PNRC2: variants seen among roughly 807,000 people sequenced by gnomAD.
The protein encoded by PNRC2 is proline rich nuclear receptor coactivator 2.
A neutral mutation model predicts 12.2 loss-of-function variants in PNRC2; 2 were observed. The ratio of observed to expected loss-of-function variants is 0.16; its 90% CI spans 0.07 to 0.52. The LOEUF (loss-of-function observed/expected upper bound fraction) is 0.52, where lower values mean the gene tolerates loss of function less well. Among genes scored for constraint, PNRC2 ranks in the 20% least tolerant of loss-of-function variants. The pLI, the probability that PNRC2 is intolerant of heterozygous loss-of-function variation, is 0.95. For synonymous variants in PNRC2, 44 were observed against 53.9 expected (o/e 0.82, Z 0.80); for missense variants, 115 against 158.4 (o/e 0.73, Z 1.47).
chr1:23,961,383 G>T (rs1641274356), intron 2 of PNRC2, 57 bp from the exon 3 acceptor site: 1 of 1,287,570 alleles, frequency 7.8e-7, no homozygotes, highest in South Asian at 1.5e-5. Flanking sequence ...GCTTCTTAAA[G>T]ATTTTGAACT....
At position 23,963,201 on chromosome 1, in the gene PNRC2, C is replaced by T. The variant is rs1641314302; in HGVS notation, c.*1324C>T. 4.2e-5 allele frequency: 7 copies of T among 166,968 alleles called. No individual in the cohort carries two copies. The highest frequency in any genetic ancestry group is 3.3e-4 in the Admixed American group (5 of 15,264). The allele number at this position is 166,968 out of a possible 1,614,324, so 10.3% of individuals were successfully genotyped here. On this transcript the variant is annotated 3_prime_UTR_variant, in exon 3 of 3. Transcript: ENST00000334351. Reference sequence around the variant, plus strand: ...CCAACTTTAAATGCTTAAACATAAGCGAAACCAGTAGCAAGTATGTGGGTC... The same window carrying T: ...CCAACTTTAAATGCTTAAACATAAGTGAAACCAGTAGCAAGTATGTGGGTC...
rs1206393813 is a variant in PNRC2 at position 23,962,327 on chromosome 1, A to C, written c.*450A>C. 2.3e-5 allele frequency: 4 copies of C among 170,278 alleles called. No homozygotes were observed. The highest frequency in any genetic ancestry group is 9.7e-5 in the African/African-American group (4 of 41,310). 10.5% of individuals were successfully genotyped at this position (170,278 alleles called of 1,614,324 possible). On this transcript the variant is annotated 3_prime_UTR_variant, in exon 3 of 3. Coordinates refer to ENST00000334351, the MANE Select transcript of PNRC2 (RefSeq NM_017761.4). ...GATGCACTGCTGAAAGAAAATGTGAATTTTTCGTAATAATTGCATTTTAGT... is the reference window on the plus strand; with the variant it reads ...GATGCACTGCTGAAAGAAAATGTGACTTTTTCGTAATAATTGCATTTTAGT...
Position 23,962,862 on chromosome 1 carries a change from CTA to C in PNRC2, c.*989_*990del, listed in dbSNP as rs1026316323. ...ATGTTATACTTGATTTGGTTGTAAA[CTA>C]TATTTCAAAGTAAACCCTAGTGTAA... On this transcript the variant is annotated 3_prime_UTR_variant, in exon 3 of 3. Transcript: ENST00000334351. The C allele has an allele frequency of 3.6e-5, 6 of 166,622 alleles. No individual in the cohort carries two copies. Among genetic ancestry groups the C allele is most frequent in the African/African-American group, 1.5e-4 (6 of 41,334 alleles). The allele number at this position is 166,622 out of a possible 1,614,324, so 10.3% of individuals were successfully genotyped here. A position where few individuals can be genotyped will look rare whatever the true frequency, so the allele number is the denominator to read the frequency against.
Position 23,961,722 on chromosome 1 carries a change from G to A in PNRC2, c.265G>A (p.Ala89Thr). 6.2e-7 allele frequency: 1 copy of A among 1,614,022 alleles called. No homozygotes were observed. Reference sequence around the variant, plus strand: ...TCCCAGGTTACTTTTTAAATCTCAAGCTAATCAGAACTATGCTGGTGCCAA... The same window carrying A: ...TCCCAGGTTACTTTTTAAATCTCAAACTAATCAGAACTATGCTGGTGCCAA... The part of the protein sequence containing the change: ...SGPRLLFKSQ[A>T]NQNYAGAKFS... Residue 89 changes from alanine to threonine, a missense_variant, in exon 3 of 3, where the codon GCT becomes ACT. By Grantham distance (58) the Ala-to-Thr change is moderately conservative. This residue lies in a region of PNRC2 where 98 missense variants were observed against 112.4 expected (regional missense o/e 0.87). Transcript: ENST00000334351.
Position 23,961,630 on chromosome 1 carries a change from C to T in PNRC2, c.173C>T (p.Ala58Val). 1 of 1,613,826 alleles carries T rather than the reference C, an allele frequency of 6.2e-7. No homozygotes were observed. The highest frequency in any genetic ancestry group is 8.5e-7 in the Non-Finnish European group (1 of 1,179,800). Residue 58 changes from alanine to valine, a missense_variant, in exon 3 of 3, where the codon GCC (alanine) becomes GTC (valine). Physicochemically the swap from Ala to Val is moderately conservative, Grantham distance 64. This residue lies in a region of PNRC2 where 98 missense variants were observed against 112.4 expected (regional missense o/e 0.87). Coordinates refer to ENST00000334351, the MANE Select transcript of PNRC2 (RefSeq NM_017761.4). Reference protein sequence around the residue: ...GYNSSAAAWQAMQNGGKNKNF... With the variant: ...GYNSSAAAWQVMQNGGKNKNF... Reference sequence around the variant, plus strand: ...AACTCATCAGCAGCTGCCTGGCAGGCCATGCAAAATGGGGGGAAGAACAAA... The same window carrying T: ...AACTCATCAGCAGCTGCCTGGCAGGTCATGCAAAATGGGGGGAAGAACAAA...
At chr1:23,960,082 A>AT (rs1245569795) in intron 1 of PNRC2, 84 bp downstream of exon 1, 2 of 152,214 alleles carry the variant, frequency 1.3e-5, no homozygotes, top group Admixed American at 1.3e-4. Context: ...CGGAGGCGAG[A>AT]TCCGGGTAAC....
rs1193484777 is a variant in PNRC2 at position 23,963,270 on chromosome 1, C to T, written c.*1393C>T. The T allele has an allele frequency of 3.0e-5, 5 of 167,128 alleles. No homozygotes were observed. The East Asian group carries it at 5.8e-4, about 19-fold the overall frequency. 10.4% of individuals were successfully genotyped at this position (167,128 alleles called of 1,614,324 possible). A position where few individuals can be genotyped will look rare whatever the true frequency, so the allele number is the denominator to read the frequency against. ...GTTAATGCCCTATTTTCTAATTTGG[C>T]ACCTCTTGATGCCTAAGCAGGTAAG... On this transcript the variant is annotated 3_prime_UTR_variant, in exon 3 of 3. Coordinates refer to ENST00000334351, the MANE Select transcript of PNRC2 (RefSeq NM_017761.4).
At chr1:23,961,205 AT>A in intron 2 of PNRC2, 71 bp downstream of exon 2, 1 of 448,234 alleles carries the variant, frequency 2.2e-6, no homozygotes, top group Non-Finnish European at 3.9e-6. Flanking sequence ...TTTAAAATAG[AT>A]TATGTAGATT....
chr1:23,961,866 G>A lies in PNRC2; in HGVS notation c.409G>A (p.Val137Ile). ...MTFQLKTLLK[V>I]QV ...ATTTCAACTTAAAACCTTACTTAAA[G>A]TACAGGTATAAAATAAGACAAATGT... The change falls in exon 3 of 3, where the codon GTA becomes ATA. Residue 137 changes from valine (V) to isoleucine (I), a missense_variant. Physicochemically the swap from Val to Ile is conservative, Grantham distance 29. Coordinates refer to ENST00000334351, the MANE Select transcript of PNRC2 (RefSeq NM_017761.4). 1.9e-6 allele frequency: 3 copies of A among 1,543,786 alleles called. No homozygotes were observed. Among genetic ancestry groups the A allele is most frequent in the Non-Finnish European group, 2.7e-6 (3 of 1,126,892 alleles).
At position 23,963,421 on chromosome 1, in the gene PNRC2, T is replaced by A. The variant is rs1243334457; in HGVS notation, c.*1544T>A. 2.4e-5 allele frequency: 4 copies of A among 166,088 alleles called. No individual in the cohort carries two copies. Among genetic ancestry groups the A allele is most frequent in the Admixed American group, 6.6e-5 (1 of 15,166 alleles). The allele number at this position is 166,088 out of a possible 1,614,324, so 10.3% of individuals were successfully genotyped here. A position where few individuals can be genotyped will look rare whatever the true frequency, so the allele number is the denominator to read the frequency against. ...ATGATATGAATGTGAAGCATAAAAT[T>A]AAATAAAATTTTTCCCCATTGGCTT... On this transcript the variant is annotated 3_prime_UTR_variant, in exon 3 of 3. Transcript: ENST00000334351.
rs1018895493 is a variant in PNRC2, at chr1:23,961,123, G to A, written c.-30G>A. 22 of 414,950 alleles carry A rather than the reference G, an allele frequency of 5.3e-5. No individual in the cohort carries two copies. Among genetic ancestry groups the A allele is most frequent in the Non-Finnish European group, 9.0e-5 (21 of 234,586 alleles). 25.7% of individuals were successfully genotyped at this position (414,950 alleles called of 1,614,324 possible). A position where few individuals can be genotyped will look rare whatever the true frequency, so the allele number is the denominator to read the frequency against. ...TAGTGGAGATCCTGCAATCTGAAAA[G>A]CAGACTGAAAGGTAATCATCATAAT... On this transcript the variant is annotated 5_prime_UTR_variant, in exon 2 of 3. Coordinates refer to ENST00000334351, the MANE Select transcript of PNRC2 (RefSeq NM_017761.4).
chr1:23,961,600 G>A lies in PNRC2; in HGVS notation c.143G>A (p.Gly48Asp), dbSNP rs1469370597. Residue 48 changes from glycine (G) to aspartate (D), a missense_variant, in exon 3 of 3, where the codon GGT (glycine) becomes GAT (aspartate). Physicochemically the swap from Gly to Asp is moderately conservative, Grantham distance 94. Transcript: ENST00000334351. Reference protein sequence around the residue: ...IVHKKKERGHGYNSSAAAWQA... With the variant: ...IVHKKKERGHDYNSSAAAWQA... The stretch of plus-strand genomic sequence containing the variant: ...CATAAGAAAAAAGAAAGAGGACATG[G>A]TTATAACTCATCAGCAGCTGCCTGG... 10 of 1,613,954 alleles carry A rather than the reference G, an allele frequency of 6.2e-6. No individual in the cohort carries two copies. Among genetic ancestry groups the A allele is most frequent in the Non-Finnish European group, 8.5e-6 (10 of 1,179,862 alleles).
Position 23,961,997 on chromosome 1 carries a change from G to A in PNRC2, c.*120G>A, listed in dbSNP as rs1436555691. 4.1e-5 allele frequency: 26 copies of A among 635,210 alleles called. No individual in the cohort carries two copies. The highest frequency in any genetic ancestry group is 5.6e-5 in the Non-Finnish European group (20 of 357,588). The allele number at this position is 635,210 out of a possible 1,614,324, so 39.3% of individuals were successfully genotyped here. On this transcript the variant is annotated 3_prime_UTR_variant, in exon 3 of 3. Transcript: ENST00000334351. The stretch of plus-strand genomic sequence containing the variant: ...TAATGTAAAAAAAATAGACCATCTC[G>A]TGTTGTGTGCACTGTGATATAATGG...
intron 2 of PNRC2, 145 bp downstream of exon 2, chr1:23,961,279 C>A: frequency 1.9e-6 from 1 of 539,858 alleles, no homozygotes; most frequent in Non-Finnish European, 3.3e-6. Flanking sequence ...ATATTGAAGT[C>A]TGAACGGCTT....
At position 23,961,025 on chromosome 1, in the gene PNRC2, T is replaced by C. The variant is rs1320171679; in HGVS notation, c.-128T>C. 2 of 404,328 alleles carry C rather than the reference T, an allele frequency of 4.9e-6. No individual in the cohort carries two copies. The highest frequency in any genetic ancestry group is 4.1e-5 in the African/African-American group (2 of 48,650). 25.0% of individuals were successfully genotyped at this position (404,328 alleles called of 1,614,324 possible). On this transcript the variant is annotated 5_prime_UTR_variant, in exon 2 of 3. Coordinates refer to ENST00000334351, the MANE Select transcript of PNRC2 (RefSeq NM_017761.4). ...AGATCGGCCCATGAAAACTTCTGTA[T>C]TGAGACAAAGGAAGGGATCTGTCAG...
At position 23,963,412 on chromosome 1, in the gene PNRC2, G is replaced by A. The variant is rs896711867; in HGVS notation, c.*1535G>A. 6.3e-6 allele frequency: 1 copy of A among 159,688 alleles called. No homozygotes were observed. Among genetic ancestry groups the A allele is most frequent in the African/African-American group, 2.4e-5 (1 of 41,150 alleles). 9.9% of individuals were successfully genotyped at this position (159,688 alleles called of 1,614,324 possible). On this transcript the variant is annotated 3_prime_UTR_variant, in exon 3 of 3. Transcript: ENST00000334351. ...TTAATGTACATGATATGAATGTGAA[G>A]CATAAAATTAAATAAAATTTTTCCC...
intron 2 of PNRC2, 70 bp downstream of exon 2, chr1:23,961,204 G>T: frequency 4.5e-6 from 2 of 447,770 alleles, no homozygotes; most frequent in African/African-American, 4.0e-5. Context: ...TTTTAAAATA[G>T]ATTATGTAGA....
At chr1:23,959,610 G>C (rs1641237876), upstream of PNRC2, among the ~76,000 whole-genome samples, 1 of 152,202 alleles carries the variant, frequency 6.6e-6, no homozygotes, top group East Asian at 1.9e-4. Context: ...CCGGAGAAAG[G>C]ACTAAGACAC....
At chr1:23,960,053 G>C (rs1641246382) in intron 1 of PNRC2, 55 bp downstream of exon 1, 1 of 152,284 alleles carries the variant, frequency 6.6e-6, no homozygotes, top group Admixed American at 6.5e-5. Flanking sequence ...GCTCCCCATT[G>C]TTGGAGGAAG....
Sources: gnomAD v4.1 joint callset for allele counts (sites outside exome capture counted in the v4.1 genomes callset) on GRCh38, gnomAD v4.1.1 for gene constraint, gnomAD v4.1.1 regional missense constraint, MANE v1.5 for transcripts, NCBI Gene and HGNC (gene_info 2026-07-23, HGNC 2026-07-21) for gene names.